Variants in CNTNAP2 observed in about 807,000 individuals in gnomAD.
CNTNAP2 encodes the protein contactin-associated protein-like 2.
CNTNAP2 carries 98 observed loss-of-function variants against 155.2 expected under a neutral mutation model. The ratio of observed to expected loss-of-function variants is 0.63; its 90% CI spans 0.54 to 0.75. The LOEUF is 0.75. Among genes scored for constraint, CNTNAP2 ranks in the 30% least tolerant of loss-of-function variants. CNTNAP2 has a pLI of 0.00. For missense variants in CNTNAP2, 1,727 were observed against 1,688.1 expected (o/e 1.02, Z -0.40); for synonymous variants, 651 against 631.2 (o/e 1.03, Z -0.47).
intron 15 of CNTNAP2, among the ~76,000 whole-genome samples, chr7:148,002,109 T>A (rs1801908948): frequency 6.6e-6 from 1 of 152,216 alleles, no homozygotes; most frequent in Admixed American, 6.5e-5. Flanking sequence ...TGCACCATAA[T>A]TAGTTGCATG....
chr7:148,108,093 G>A (rs929947838), intron 15 of CNTNAP2, among the ~76,000 whole-genome samples: 2 of 152,170 alleles, frequency 1.3e-5, no homozygotes, highest in African/African-American at 4.8e-5. Context: ...TCTCCCCTCT[G>A]GGGAGGGAGG....
chr7:146,585,851 A>T (rs943363353), intron 1 of CNTNAP2, among the ~76,000 whole-genome samples: 5 of 151,986 alleles, frequency 3.3e-5, no homozygotes, highest in African/African-American at 1.2e-4. Flanking sequence ...GAAGAGAGAA[A>T]AACAAAGAAT....
intron 1 of CNTNAP2, among the ~76,000 whole-genome samples, chr7:146,306,101 A>G (rs1800707217): frequency 6.6e-6 from 1 of 152,196 alleles, no homozygotes; most frequent in Non-Finnish European, 1.5e-5. Flanking sequence ...AACTACCATC[A>G]GAGAATACTA....
intron 18 of CNTNAP2, among the ~76,000 whole-genome samples, chr7:148,215,894 T>G (rs1795631335): frequency 6.6e-6 from 1 of 152,228 alleles, no homozygotes; most frequent in Admixed American, 6.5e-5. Flanking sequence ...AAATTCCCAG[T>G]TGGAAGACTC....
chr7:148,169,921 C>G (rs1805746358), intron 17 of CNTNAP2, among the ~76,000 whole-genome samples: 1 of 151,708 alleles, frequency 6.6e-6, no homozygotes, highest in Non-Finnish European at 1.5e-5. Flanking sequence ...GATCATGCCA[C>G]TGCACTCCAG....
At chr7:147,113,028 G>A (rs1297126158) in intron 5 of CNTNAP2, among the ~76,000 whole-genome samples, 1 of 151,936 alleles carries the variant, frequency 6.6e-6, no homozygotes, top group African/African-American at 2.4e-5. Flanking sequence ...GGCTTTTTCT[G>A]GTTGGTAGGC....
At chr7:148,345,507 C>T (rs1261333733) in intron 21 of CNTNAP2, among the ~76,000 whole-genome samples, 6 of 152,080 alleles carry the variant, frequency 3.9e-5, no homozygotes, top group African/African-American at 1.4e-4. Flanking sequence ...GGACTACAGG[C>T]ACCCGCCACC....
intron 5 of CNTNAP2, among the ~76,000 whole-genome samples, chr7:147,116,128 G>T (rs1302096852): frequency 6.6e-6 from 1 of 152,052 alleles, no homozygotes; most frequent in Non-Finnish European, 1.5e-5. Flanking sequence ...TGTTTTTCCT[G>T]TACCTGGAAG....
chr7:147,637,164 T>C (rs1401352068), intron 12 of CNTNAP2, among the ~76,000 whole-genome samples: 1 of 152,148 alleles, frequency 6.6e-6, no homozygotes, highest in Non-Finnish European at 1.5e-5. Flanking sequence ...TTGAAGGCTT[T>C]GAGCAGAGTA....
At chr7:148,185,894 G>T (rs1223947366) in intron 18 of CNTNAP2, among the ~76,000 whole-genome samples, 1 of 152,158 alleles carries the variant, frequency 6.6e-6, no homozygotes, top group Non-Finnish European at 1.5e-5. Context: ...TATTAACTAA[G>T]TTAAAATGTT....
chr7:146,912,467 T>A (rs1011084464), intron 3 of CNTNAP2, among the ~76,000 whole-genome samples: 1 of 152,166 alleles, frequency 6.6e-6, no homozygotes, highest in African/African-American at 2.4e-5. Context: ...AATGCTATGT[T>A]AGCTCTCAAA....
At chr7:147,565,187 G>T (rs2116795832) in intron 12 of CNTNAP2, among the ~76,000 whole-genome samples, 1 of 152,240 alleles carries the variant, frequency 6.6e-6, no homozygotes. Context: ...GTGAAGAAGA[G>T]AAATGAGCCA....
At chr7:147,878,407 TTA>T (rs1799461536) in intron 13 of CNTNAP2, among the ~76,000 whole-genome samples, 1 of 151,530 alleles carries the variant, frequency 6.6e-6, no homozygotes, top group Admixed American at 6.6e-5. Flanking sequence ...TGCTAATTAC[TTA>T]TGTTGTAATC....
intron 1 of CNTNAP2, among the ~76,000 whole-genome samples, chr7:146,257,760 C>T (rs1799861031): frequency 6.6e-6 from 1 of 152,192 alleles, no homozygotes; most frequent in Non-Finnish European, 1.5e-5. Flanking sequence ...GACCAGAGAA[C>T]ATACTTTGAA....
At chr7:146,157,135 T>A (rs1395268330) in intron 1 of CNTNAP2, among the ~76,000 whole-genome samples, 1 of 152,122 alleles carries the variant, frequency 6.6e-6, no homozygotes, top group Non-Finnish European at 1.5e-5. Flanking sequence ...TAAGGTGAAC[T>A]ACTTTTTTTT....
Position 147,548,755 on chromosome 7 carries a change from C to T in CNTNAP2, c.1778-13383C>T, listed in dbSNP as rs141717135. On this transcript the variant is annotated intron_variant, in intron 11 of 23. Coordinates refer to ENST00000361727, the MANE Select transcript of CNTNAP2 (RefSeq NM_014141.6). Reference sequence around the variant, plus strand: ...ATGATTTTGGGTTTTAAATTTAAGTCTTTAGTCCATCTTGAGATAATTCTG... The same window carrying T: ...ATGATTTTGGGTTTTAAATTTAAGTTTTTAGTCCATCTTGAGATAATTCTG... 2.2e-3 allele frequency among the ~76,000 whole-genome samples: 336 copies of T among 152,292 alleles called. 3 individuals are homozygous for T. Among genetic ancestry groups the T allele is most frequent in the African/African-American group, 7.6e-3 (317 of 41,578 alleles).
At chr7:146,215,858 AAAT>A (rs1480429469) in intron 1 of CNTNAP2, among the ~76,000 whole-genome samples, 1 of 152,174 alleles carries the variant, frequency 6.6e-6, no homozygotes, top group Non-Finnish European at 1.5e-5. Flanking sequence ...TTGCTTTGAT[AAAT>A]AATATTTTAC....
chr7:147,739,385 A>G (rs540726684), intron 13 of CNTNAP2, among the ~76,000 whole-genome samples: 3 of 152,072 alleles, frequency 2.0e-5, no homozygotes, highest in Non-Finnish European at 4.4e-5. Flanking sequence ...TTCAGGTATC[A>G]GTTTTCTAAT....
chr7:146,688,676 G>C (rs1168618803), intron 1 of CNTNAP2, among the ~76,000 whole-genome samples: 1 of 152,106 alleles, frequency 6.6e-6, no homozygotes, highest in African/African-American at 2.4e-5. Context: ...TTTCACTTTT[G>C]TCGTTCTTCA....
Sources: allele counts gnomAD v4.1 joint callset (sites outside exome capture counted in the v4.1 genomes callset), GRCh38; gene constraint gnomAD v4.1.1; transcripts MANE v1.5; gene names NCBI Gene and HGNC (gene_info 2026-07-23, HGNC 2026-07-21).